Variants in PIP5K1C observed in about 807,000 individuals in gnomAD.
The protein encoded by PIP5K1C is phosphatidylinositol-4-phosphate 5-kinase type 1 gamma, also known as phosphatidylinositol 4-phosphate 5-kinase type-1 gamma.
PIP5K1C carries 45 observed loss-of-function variants against 80.1 expected under a neutral mutation model. The ratio of observed to expected loss-of-function variants is 0.56; its 90% confidence interval spans 0.44 to 0.72. PIP5K1C has a LOEUF of 0.72. PIP5K1C is among the 30% of genes least tolerant of loss of function. The pLI, the probability that PIP5K1C is intolerant of heterozygous loss-of-function variation, is 0.00. For synonymous variants in PIP5K1C, 498 were observed against 420.1 expected, an observed-to-expected ratio of 1.19 and a Z score of -2.27; for missense variants, 753 against 954.6, an observed-to-expected ratio of 0.79 and a Z score of 2.78.
At chr19:3,633,617 A>C in intron 16 of PIP5K1C, 97 bp from the exon 17 acceptor site, 2 of 796,566 alleles carry the variant, frequency 2.5e-6, no homozygotes, top group Non-Finnish European at 3.5e-6. Flanking sequence ...GGAGAACATA[A>C]AAGAGGCGAA....
intron 1 of PIP5K1C, among the ~76,000 whole-genome samples, chr19:3,689,522 G>A (rs908086843): frequency 1.1e-4 from 17 of 152,058 alleles, no homozygotes; most frequent in Admixed American, 7.9e-4. Context: ...GGTGGCGGGC[G>A]CCTGTAATCC....
In PIP5K1C at chr19:3,637,314, C is replaced by A. The variant is rs1479913142; in HGVS notation, c.1920+1570G>T. 6.6e-7 allele frequency: 1 copy of A among 1,522,518 alleles called. No homozygotes were observed. The highest frequency in any genetic ancestry group is 2.4e-5 in the East Asian group (1 of 40,836). 94.3% of individuals were successfully genotyped at this position (1,522,518 alleles called of 1,614,324 possible). A position where few individuals can be genotyped will look rare whatever the true frequency, so the allele number is the denominator to read the frequency against. On this transcript the variant is annotated intron_variant, in intron 16 of 17. Transcript: ENST00000335312. The surrounding 1 kb of genome is among the most constrained non-coding windows in gnomAD (Gnocchi z 7.0). ...GTGATGGTGCTGCCCTATGGAGCGC[C>A]CGGTTCGACGTGGGACCGAATGACA...
At position 3,632,899 on chromosome 19, in the gene PIP5K1C, T is replaced by TAAAACGGCACA. The variant is rs2145356380; in HGVS notation, c.*267_*268insTGTGCCGTTTT. The TAAAACGGCACA allele has an allele frequency of 3.9e-6, 2 of 512,462 alleles. No individual in the cohort carries two copies. The highest frequency in any genetic ancestry group is 6.9e-6 in the Non-Finnish European group (2 of 290,956). 31.7% of individuals were successfully genotyped at this position (512,462 alleles called of 1,614,324 possible). A position where few individuals can be genotyped will look rare whatever the true frequency, so the allele number is the denominator to read the frequency against. Reference sequence around the variant, plus strand: ...CTAAAACGGCACACACGTGCTTCCGTCTCTGTGCCAAATAAGGACTCAAAT... The same window carrying TAAAACGGCACA: ...CTAAAACGGCACACACGTGCTTCCGTAAAACGGCACACTCTGTGCCAAATAAGGACTCAAAT... On this transcript the variant is annotated 3_prime_UTR_variant, in exon 18 of 18. Transcript: ENST00000335312.
intron 16 of PIP5K1C, among the ~76,000 whole-genome samples, chr19:3,635,128 G>C (rs1468524929): frequency 6.6e-6 from 1 of 152,248 alleles, no homozygotes; most frequent in African/African-American, 2.4e-5. Context: ...CCTGAGCCCT[G>C]AAAGAACTGG....
intron 11 of PIP5K1C, among the ~76,000 whole-genome samples, chr19:3,645,497 C>G (rs1042690086): frequency 1.3e-5 from 2 of 152,238 alleles, no homozygotes; most frequent in Admixed American, 1.3e-4. Flanking sequence ...CCTTCCCCAC[C>G]ACTGTTTGCC....
In PIP5K1C at chr19:3,651,885, C is replaced by A; in HGVS notation, c.1068G>T (p.Thr356=). The change falls in exon 8 of 18, where the codon ACG becomes ACT. Residue 356 remains threonine (T), a synonymous_variant. Transcript: ENST00000335312. ...CGCCACCCTGGATGGACTCCATGGCCGTGGAGTAGAGCGCCTTCTGGCCCA... is the reference window on the plus strand; with the variant it reads ...CGCCACCCTGGATGGACTCCATGGCAGTGGAGTAGAGCGCCTTCTGGCCCA... ...RPVGQKALYS[T]AMESIQGGAA... 6.2e-7 allele frequency: 1 copy of A among 1,612,806 alleles called. No homozygotes were observed. The highest frequency in any genetic ancestry group is 8.5e-7 in the Non-Finnish European group (1 of 1,179,928).
intron 6 of PIP5K1C, among the ~76,000 whole-genome samples, chr19:3,654,898 G>C (rs1246957389): frequency 6.6e-6 from 1 of 151,544 alleles, no homozygotes; most frequent in East Asian, 1.9e-4. Context: ...GGCAGATCAT[G>C]AAGTCAGGAG....
At chr19:3,667,381 A>G in intron 1 of PIP5K1C, 28 bp from the exon 2 acceptor site, 4 of 1,612,616 alleles carry the variant, frequency 2.5e-6, no homozygotes, top group Non-Finnish European at 3.4e-6. Context: ...TGGGTATCAG[A>G]CAGGAAACCG....
chr19:3,641,461 C>T (rs1208797441), intron 15 of PIP5K1C, among the ~76,000 whole-genome samples: 1 of 152,108 alleles, frequency 6.6e-6, no homozygotes, highest in Non-Finnish European at 1.5e-5. Context: ...GCCAGGAGCA[C>T]CCCCCAGTTC....
At chr19:3,687,331 C>G (rs1315010154) in intron 1 of PIP5K1C, among the ~76,000 whole-genome samples, 2 of 152,182 alleles carry the variant, frequency 1.3e-5, no homozygotes, top group Non-Finnish European at 2.9e-5. Flanking sequence ...CACTGCACTC[C>G]AGCCTGGGTG....
chr19:3,666,553 A>ACAGGCAAACACACATGCACT (rs1248357726), intron 2 of PIP5K1C, among the ~76,000 whole-genome samples: 4 of 152,222 alleles, frequency 2.6e-5, no homozygotes, highest in Non-Finnish European at 5.9e-5. Context: ...AAACAGGCAC[A>ACAGGCAAACACACATGCACT]CAGGCAAACA....
chr19:3,640,652 G>A (rs962669472), intron 15 of PIP5K1C, among the ~76,000 whole-genome samples: 1 of 150,948 alleles, frequency 6.6e-6, no homozygotes, highest in African/African-American at 2.4e-5. Context: ...ATTAATCCCA[G>A]TACTTTGGGA....
At chr19:3,687,178 AGT>A (rs2035785850) in intron 1 of PIP5K1C, among the ~76,000 whole-genome samples, 1 of 150,650 alleles carries the variant, frequency 6.6e-6, no homozygotes, top group Admixed American at 6.6e-5. Context: ...GGGTGAAAAG[AGT>A]GAGACTCCGA....
At chr19:3,639,285 C>G (rs1350984648) in intron 15 of PIP5K1C, among the ~76,000 whole-genome samples, 5 of 152,344 alleles carry the variant, frequency 3.3e-5, no homozygotes, top group Admixed American at 1.3e-4. Flanking sequence ...CCAGCTCAGA[C>G]ACACACACCT....
intron 1 of PIP5K1C, among the ~76,000 whole-genome samples, chr19:3,694,697 C>G (rs1449894953): frequency 6.6e-6 from 1 of 152,250 alleles, no homozygotes; most frequent in East Asian, 1.9e-4. Context: ...GTGGGTGCAG[C>G]AAGTTCCCAC....
intron 5 of PIP5K1C, among the ~76,000 whole-genome samples, chr19:3,658,228 C>T (rs1457736882): frequency 6.6e-6 from 1 of 152,236 alleles, no homozygotes; most frequent in Non-Finnish European, 1.5e-5. Flanking sequence ...TTTGCGGAGT[C>T]AGCAACAGCC....
intron 3 of PIP5K1C, among the ~76,000 whole-genome samples, chr19:3,663,014 G>C (rs549522179): frequency 6.6e-6 from 1 of 151,928 alleles, no homozygotes; most frequent in African/African-American, 2.4e-5. Context: ...GCACGCACCA[G>C]CACACCCGGC....
chr19:3,653,661 T>A (rs2034527957), intron 6 of PIP5K1C, 72 bp from the exon 7 acceptor site: 7 of 1,427,214 alleles, frequency 4.9e-6, no homozygotes, highest in Non-Finnish European at 9.6e-7. Flanking sequence ...AAAGCAGGCC[T>A]CTGCCTCAGG....
Position 3,643,231 on chromosome 19 carries a change from T to G in PIP5K1C, c.1649+12A>C, listed in dbSNP as rs2034055328. ...ATGCCCCGCCCACATGCACTGCGGA[T>G]GCCTCGCCCACCTGTACCGCGGCTG... On this transcript the variant is annotated intron_variant, in intron 13 of 17. Coordinates refer to ENST00000335312, the MANE Select transcript of PIP5K1C (RefSeq NM_012398.3). 1.2e-6 allele frequency: 2 copies of G among 1,612,788 alleles called. No homozygotes were observed. Among genetic ancestry groups the G allele is most frequent in the Non-Finnish European group, 1.7e-6 (2 of 1,179,792 alleles).
Sources: gnomAD v4.1 joint callset for allele counts (sites outside exome capture counted in the v4.1 genomes callset) on GRCh38, gnomAD v4.1.1 for gene constraint, Gnocchi (gnomAD v3.1) non-coding constraint, MANE v1.5 for transcripts, NCBI Gene and HGNC (gene_info 2026-07-23, HGNC 2026-07-21) for gene names.